CDH12: variants seen among roughly 807,000 people sequenced by gnomAD.
The protein encoded by CDH12 is cadherin 12.
CDH12 carries 41 observed loss-of-function variants against 74.1 expected under a neutral mutation model. The observed-to-expected ratio is 0.55, with a 90% confidence interval of 0.43 to 0.72. CDH12 has a LOEUF of 0.72. CDH12 is among the 30% of genes least tolerant of loss of function. The pLI is 0.00. For missense variants in CDH12, 945 were observed against 977.2 expected (o/e 0.97, Z 0.44); for synonymous variants, 399 against 355.0 (o/e 1.12, Z -1.39).
intron 6 of CDH12, among the ~76,000 whole-genome samples, chr5:21,909,821 T>C (rs1753790093): frequency 6.6e-6 from 1 of 152,188 alleles, no homozygotes; most frequent in African/African-American, 2.4e-5. Flanking sequence ...CATGGCTTTG[T>C]CCTGATATTT....
chr5:22,752,200 AATCCCATTATG>A, intron 1 of CDH12, among the ~76,000 whole-genome samples: 1 of 152,208 alleles, frequency 6.6e-6, no homozygotes, highest in Non-Finnish European at 1.5e-5. Context: ...CCCCATGGGT[AATCCCATTATG>A]GAAAATGTTT....
chr5:22,166,922 ATAAG>A (rs1194584198), intron 4 of CDH12, among the ~76,000 whole-genome samples: 1 of 152,198 alleles, frequency 6.6e-6, no homozygotes, highest in Non-Finnish European at 1.5e-5. Flanking sequence ...CATTTAACTG[ATAAG>A]TAATACTCTG....
At chr5:22,601,002 G>C (rs1736831569) in intron 1 of CDH12, among the ~76,000 whole-genome samples, 1 of 152,036 alleles carries the variant, frequency 6.6e-6, no homozygotes, top group African/African-American at 2.4e-5. Context: ...GCTATTATCA[G>C]GGTAGAACTG....
At chr5:22,232,918 A>G (rs1214718873) in intron 3 of CDH12, among the ~76,000 whole-genome samples, 1 of 146,932 alleles carries the variant, frequency 6.8e-6, no homozygotes, top group Admixed American at 6.8e-5. Flanking sequence ...TTTCTCTCTC[A>G]TTGGATTGCT....
chr5:22,428,127 A>G (rs1554040115), intron 2 of CDH12, among the ~76,000 whole-genome samples: 1 of 152,046 alleles, frequency 6.6e-6, no homozygotes, highest in Non-Finnish European at 1.5e-5. Flanking sequence ...CCAATTCTGA[A>G]AGGAAATATT....
At chr5:22,464,126 A>G (rs1210302110) in intron 2 of CDH12, among the ~76,000 whole-genome samples, 1 of 152,120 alleles carries the variant, frequency 6.6e-6, no homozygotes, top group Non-Finnish European at 1.5e-5. Flanking sequence ...ATGATTTTTC[A>G]AAGAGGAATT....
chr5:21,825,425 A>T (rs752155479), intron 8 of CDH12, among the ~76,000 whole-genome samples: 2 of 152,156 alleles, frequency 1.3e-5, no homozygotes, highest in Non-Finnish European at 2.9e-5. Flanking sequence ...ATTTTTAAAG[A>T]ATCTGTTTTC....
intron 1 of CDH12, among the ~76,000 whole-genome samples, chr5:22,602,450 T>C (rs950456878): frequency 8.5e-5 from 13 of 152,116 alleles, no homozygotes; most frequent in Non-Finnish European, 1.8e-4. Flanking sequence ...AAGTACAAAA[T>C]GAAGCTTGCT....
intron 6 of CDH12, among the ~76,000 whole-genome samples, chr5:21,874,066 T>A (rs568609213): frequency 4.1e-4 from 62 of 152,278 alleles, no homozygotes; most frequent in African/African-American, 1.4e-3. Context: ...CAATGAACAT[T>A]TGCAAGCGTA....
chr5:22,481,071 T>C (rs1487546664), intron 2 of CDH12, among the ~76,000 whole-genome samples: 1 of 152,218 alleles, frequency 6.6e-6, no homozygotes, highest in Non-Finnish European at 1.5e-5. Flanking sequence ...TGTTATCTCT[T>C]ATGTTCATAT....
intron 5 of CDH12, among the ~76,000 whole-genome samples, chr5:22,061,612 T>C (rs1289540192): frequency 6.6e-6 from 1 of 152,172 alleles, no homozygotes; most frequent in Non-Finnish European, 1.5e-5. Context: ...CTGGGGTTCA[T>C]TTCTTATCAC....
chr5:22,453,604 G>C (rs1745140137), intron 2 of CDH12, among the ~76,000 whole-genome samples: 1 of 152,056 alleles, frequency 6.6e-6, no homozygotes, highest in Admixed American at 6.6e-5. Context: ...TTATGAGAGA[G>C]GTTGGTTAAT....
chr5:21,847,304 G>A (rs923365917), intron 7 of CDH12, among the ~76,000 whole-genome samples: 3 of 152,006 alleles, frequency 2.0e-5, no homozygotes, highest in Non-Finnish European at 4.4e-5. Context: ...CATCTTCATA[G>A]GACTGTGTTA....
In CDH12 at chr5:21,757,412, G is replaced by C. The variant is rs188358179; in HGVS notation, c.1634-1570C>G. On this transcript the variant is annotated intron_variant, in intron 13 of 14. Transcript: ENST00000382254. The stretch of plus-strand genomic sequence containing the variant: ...GCTGGTCTCGAACTTCTGACCTCAG[G>C]TGATCTGTCCACCTTGGCCTCCCAA... Among the ~76,000 whole-genome samples, 9 of 152,232 alleles carry C rather than the reference G, an allele frequency of 5.9e-5. No individual in the cohort carries two copies. In the East Asian group the frequency reaches 1.5e-3, roughly 26 times the overall value.
At chr5:22,642,368 C>A (rs1488147590) in intron 1 of CDH12, among the ~76,000 whole-genome samples, 1 of 152,140 alleles carries the variant, frequency 6.6e-6, no homozygotes, top group Admixed American at 6.6e-5. Context: ...GTCATGAACT[C>A]TAAGTCTTTC....
rs1261396 is a variant in CDH12, at chr5:22,397,755, A to C, written c.-333+7502T>G. Among the ~76,000 whole-genome samples the C allele has an allele frequency of 9.8e-3, 1,488 of 152,196 alleles. 27 individuals carry two copies. The highest frequency in any genetic ancestry group is 0.035 in the African/African-American group (1,434 of 41,536). On this transcript the variant is annotated intron_variant, in intron 3 of 14. Coordinates refer to ENST00000382254, the MANE Select transcript of CDH12 (RefSeq NM_004061.5). ...ATCCGTGGTGCTTCAGACTATGACT[A>C]TATTTTGACATATGGTCCTTAAAGG...
intron 3 of CDH12, among the ~76,000 whole-genome samples, chr5:22,251,480 C>G (rs1753128837): frequency 6.6e-6 from 1 of 152,150 alleles, no homozygotes; most frequent in Non-Finnish European, 1.5e-5. Flanking sequence ...TTTTTCTTAT[C>G]TCTTATCTCT....
chr5:22,193,162 G>A (rs1422329876), intron 4 of CDH12, among the ~76,000 whole-genome samples: 1 of 152,094 alleles, frequency 6.6e-6, no homozygotes, highest in Admixed American at 6.5e-5. Flanking sequence ...GTTTGTTTTT[G>A]TTTGTTTGTT....
intron 5 of CDH12, among the ~76,000 whole-genome samples, chr5:22,027,165 C>G (rs189780419): frequency 0.049 from 7,392 of 152,002 alleles, 291 homozygotes; most frequent in Admixed American, 0.11. Context: ...GGATGAAGCC[C>G]ACTTGATCAT....
Sources: gnomAD v4.1 joint callset for allele counts (sites outside exome capture counted in the v4.1 genomes callset) on GRCh38, gnomAD v4.1.1 for gene constraint, MANE v1.5 for transcripts, NCBI Gene and HGNC (gene_info 2026-07-23, HGNC 2026-07-21) for gene names.